The following MGAT5 variants were observed in gnomAD, a reference collection of about 807,000 sequenced individuals.
MGAT5 encodes the protein alpha-1,6-mannosylglycoprotein 6-beta-N-acetylglucosaminyltransferase A.
MGAT5 carries 30 observed loss-of-function variants against 94.3 expected under a neutral mutation model. That is an observed-to-expected ratio of 0.32 (90% CI 0.24 to 0.43). The LOEUF is 0.43. Ranked by LOEUF, MGAT5 falls within the 20% of genes least tolerant of loss-of-function variation. MGAT5 has a pLI of 1.00. For missense variants in MGAT5, 691 were observed against 905.5 expected, an observed-to-expected ratio of 0.76 and a Z score of 3.04; for synonymous variants, 310 against 322.9, an observed-to-expected ratio of 0.96 and a Z score of 0.43.
chr2:134,178,001 C>T (rs1207380825), intron 1 of MGAT5, among the ~76,000 whole-genome samples: 1 of 152,124 alleles, frequency 6.6e-6, no homozygotes, highest in Non-Finnish European at 1.5e-5. Context: ...ATTTAAAAAA[C>T]TTAAATAGCT....
At chr2:134,163,487 C>T (rs1198628835) in intron 1 of MGAT5, among the ~76,000 whole-genome samples, 2 of 152,138 alleles carry the variant, frequency 1.3e-5, no homozygotes, top group African/African-American at 4.8e-5. Context: ...GACAGGGACG[C>T]TTGTCAGAGT....
At chr2:134,294,383 C>G (rs1685548543) in intron 2 of MGAT5, among the ~76,000 whole-genome samples, 1 of 152,208 alleles carries the variant, frequency 6.6e-6, no homozygotes, top group East Asian at 1.9e-4. Flanking sequence ...CCTCACAAAC[C>G]ACTAAGACTA....
At chr2:134,122,777 A>G (rs953868041) in intron 1 of MGAT5, among the ~76,000 whole-genome samples, 1 of 152,152 alleles carries the variant, frequency 6.6e-6, no homozygotes, top group African/African-American at 2.4e-5. Flanking sequence ...CCTGGTTTGG[A>G]GCTTTGCAGG....
chr2:134,267,780 G>A (rs1683808271), intron 1 of MGAT5, among the ~76,000 whole-genome samples: 2 of 152,352 alleles, frequency 1.3e-5, no homozygotes, highest in South Asian at 4.1e-4. Flanking sequence ...CCATAGGGAG[G>A]AAGGCAGACT....
intron 1 of MGAT5, among the ~76,000 whole-genome samples, chr2:134,185,742 TTGCTTATC>T (rs1688977248): frequency 6.6e-6 from 1 of 152,212 alleles, no homozygotes; most frequent in Admixed American, 6.5e-5. Context: ...TTTTGGGCAA[TTGCTTATC>T]TGCCAGTGAG....
chr2:134,192,978 A>T (rs923690813), intron 1 of MGAT5, among the ~76,000 whole-genome samples: 8 of 151,880 alleles, frequency 5.3e-5, no homozygotes, highest in South Asian at 2.1e-4. Context: ...GTTTAAAAAA[A>T]TTTTTCTTTG....
intron 1 of MGAT5, among the ~76,000 whole-genome samples, chr2:134,221,916 A>G (rs1481458284): frequency 6.6e-6 from 1 of 152,114 alleles, no homozygotes; most frequent in Non-Finnish European, 1.5e-5. Context: ...ATCATTCCAC[A>G]GAAGGCCAAC....
intron 4 of MGAT5, among the ~76,000 whole-genome samples, chr2:134,328,157 T>C (rs1342345272): frequency 6.6e-6 from 1 of 152,104 alleles, no homozygotes; most frequent in Non-Finnish European, 1.5e-5. Flanking sequence ...CTTATCCTCT[T>C]GTTAGAACCC....
intron 1 of MGAT5, among the ~76,000 whole-genome samples, chr2:134,229,580 A>G (rs963344287): frequency 5.3e-5 from 8 of 152,272 alleles, no homozygotes; most frequent in Non-Finnish European, 1.0e-4. Flanking sequence ...ATATATGTTA[A>G]AAATGCCACA....
At chr2:134,151,842 T>C (rs573446216) in intron 1 of MGAT5, among the ~76,000 whole-genome samples, 1 of 126,456 alleles carries the variant, frequency 7.9e-6, no homozygotes, top group African/African-American at 3.2e-5. Context: ...ACTCACGCCC[T>C]ATGGGACCCG....
intron 1 of MGAT5, among the ~76,000 whole-genome samples, chr2:134,156,772 A>G (rs1398873856): frequency 6.6e-6 from 1 of 152,082 alleles, no homozygotes; most frequent in Non-Finnish European, 1.5e-5. Context: ...CCTTCACGAC[A>G]TTCCTCATGG....
Position 134,428,383 on chromosome 2 carries a change from T to G in MGAT5, c.1813T>G (p.Tyr605Asp). The G allele has an allele frequency of 6.2e-7, 1 of 1,614,130 alleles. No homozygotes were observed. ...TCCACAGATTGAGCCATACATGCCA[T>G]ATGAATTTACGTGCGAGGGGATGCT... ...LNQKIEPYMP[Y>D]EFTCEGMLQR... The change falls in exon 14 of 16, where the codon TAT (tyrosine) becomes GAT (aspartate). Residue 605 changes from tyrosine to aspartate, a missense_variant. Coordinates refer to ENST00000281923, the MANE Select transcript of MGAT5 (RefSeq NM_002410.5).
At chr2:134,332,243 T>C (rs1351801607) in intron 4 of MGAT5, among the ~76,000 whole-genome samples, 1 of 151,992 alleles carries the variant, frequency 6.6e-6, no homozygotes, top group East Asian at 1.9e-4. Context: ...AACAGAGATC[T>C]AGATCAATGG....
intron 2 of MGAT5, among the ~76,000 whole-genome samples, chr2:134,285,673 T>C (rs979755563): frequency 6.6e-6 from 1 of 152,244 alleles, no homozygotes; most frequent in Non-Finnish European, 1.5e-5. Flanking sequence ...CAAATACTTC[T>C]AACTCTTGTT....
At chr2:134,243,098 A>C (rs1682056303) in intron 1 of MGAT5, among the ~76,000 whole-genome samples, 1 of 151,904 alleles carries the variant, frequency 6.6e-6, no homozygotes, top group African/African-American at 2.4e-5. Flanking sequence ...TTTGGGTTTC[A>C]CTAGATAGGG....
chr2:134,144,744 A>T (rs1232622297), intron 1 of MGAT5, among the ~76,000 whole-genome samples: 1 of 152,204 alleles, frequency 6.6e-6, no homozygotes, highest in Non-Finnish European at 1.5e-5. Flanking sequence ...TATATTAGGG[A>T]TGCATGCTCA....
intron 10 of MGAT5, among the ~76,000 whole-genome samples, chr2:134,386,858 T>C (rs1406901985): frequency 1.3e-5 from 2 of 152,208 alleles, no homozygotes; most frequent in Admixed American, 6.5e-5. Context: ...TTAGGAAATA[T>C]GTATATATGG....
At chr2:134,259,870 G>A (rs974891427) in intron 1 of MGAT5, among the ~76,000 whole-genome samples, 5 of 152,158 alleles carry the variant, frequency 3.3e-5, no homozygotes, top group Non-Finnish European at 7.3e-5. Flanking sequence ...GAAATAATAA[G>A]CAAGAGAAAG....
intron 10 of MGAT5, among the ~76,000 whole-genome samples, chr2:134,387,204 T>C (rs1682039683): frequency 1.3e-5 from 2 of 150,180 alleles, no homozygotes; most frequent in South Asian, 4.2e-4. Context: ...GAGGTTGCAG[T>C]GAGCCGAGAT....
Sources: gnomAD v4.1 joint callset for allele counts (sites outside exome capture counted in the v4.1 genomes callset) on GRCh38, gnomAD v4.1.1 for gene constraint, MANE v1.5 for transcripts, NCBI Gene and HGNC (gene_info 2026-07-23, HGNC 2026-07-21) for gene names.